Variants in LTBP1 observed in about 807,000 individuals in gnomAD.
LTBP1 encodes the protein latent transforming growth factor beta binding protein 1.
LTBP1 carries 129 observed loss-of-function variants against 207.6 expected under a neutral mutation model. The observed-to-expected ratio is 0.62, with a 90% CI of 0.54 to 0.72. LTBP1 has a LOEUF of 0.72. LTBP1 is among the 30% of genes least tolerant of loss of function. LTBP1 has a pLI of 0.00. For synonymous variants in LTBP1, 963 were observed against 833.7 expected, an observed-to-expected ratio of 1.16 and a Z score of -2.67; for missense variants, 2,281 against 2,217.2, an observed-to-expected ratio of 1.03 and a Z score of -0.58.
chr2:33,318,944 T>G (rs1269856340), intron 24 of LTBP1, among the ~76,000 whole-genome samples: 8 of 152,008 alleles, frequency 5.3e-5, no homozygotes, highest in African/African-American at 1.9e-4. Flanking sequence ...AGAAAAATTT[T>G]TTTTAATTAG....
intron 18 of LTBP1, among the ~76,000 whole-genome samples, chr2:33,277,316 C>G (rs570083367): frequency 1.3e-5 from 2 of 152,062 alleles, no homozygotes; most frequent in Non-Finnish European, 2.9e-5. Flanking sequence ...CCGAGGGCCA[C>G]GAGGCTACAG....
chr2:33,182,781 T>C (rs1285904172), intron 5 of LTBP1, among the ~76,000 whole-genome samples: 2 of 148,112 alleles, frequency 1.4e-5, no homozygotes, highest in African/African-American at 5.0e-5. Context: ...CACATTGTAT[T>C]CTAGTATAGA....
intron 7 of LTBP1, among the ~76,000 whole-genome samples, chr2:33,194,952 T>TA (rs2088376929): frequency 1.3e-5 from 2 of 152,226 alleles, no homozygotes; most frequent in Non-Finnish European, 2.9e-5. Context: ...AAATGTACTC[T>TA]GCCTGTGCTA....
At chr2:33,294,324 G>A (rs1344944569) in intron 20 of LTBP1, among the ~76,000 whole-genome samples, 1 of 151,856 alleles carries the variant, frequency 6.6e-6, no homozygotes, top group Non-Finnish European at 1.5e-5. Flanking sequence ...AGCCTCCTGA[G>A]TAGCTGGGAT....
At chr2:33,397,380 TTTGAGAAG>T (rs1259318247) in intron 33 of LTBP1, 98 bp downstream of exon 33, 1 of 1,433,004 alleles carries the variant, frequency 7.0e-7, no homozygotes, top group Admixed American at 1.8e-5. Context: ...TGAGTTTCAG[TTTGAGAAG>T]ATGAGAAAAG....
intron 22 of LTBP1, among the ~76,000 whole-genome samples, chr2:33,306,607 A>G (rs951924208): frequency 6.6e-6 from 1 of 152,010 alleles, no homozygotes; most frequent in South Asian, 2.1e-4. Flanking sequence ...ACAGAGCAAC[A>G]TGCTTCCATT....
At chr2:33,176,438 G>A (rs2086066325) in intron 5 of LTBP1, among the ~76,000 whole-genome samples, 2 of 152,108 alleles carry the variant, frequency 1.3e-5, no homozygotes, top group African/African-American at 4.8e-5. Flanking sequence ...TGTTGGCCAG[G>A]ATGGTCTCGA....
intron 5 of LTBP1, among the ~76,000 whole-genome samples, chr2:33,160,078 C>T (rs185292416): frequency 3.3e-5 from 5 of 152,210 alleles, no homozygotes; most frequent in Admixed American, 6.5e-5. Context: ...GGGGTTTCAC[C>T]GAGTTGGCCA....
intron 5 of LTBP1, among the ~76,000 whole-genome samples, chr2:33,136,101 C>T (rs371963942): frequency 6.6e-6 from 1 of 152,072 alleles, no homozygotes; most frequent in Non-Finnish European, 1.5e-5. Flanking sequence ...CTTAGGAGGT[C>T]AAAGCATATT....
At chr2:32,973,043 T>C (rs112631252) in intron 2 of LTBP1, among the ~76,000 whole-genome samples, 2,179 of 152,266 alleles carry the variant, frequency 0.014, 18 homozygotes, top group Non-Finnish European at 0.022. Flanking sequence ...TTGTTGAGAA[T>C]TGTTTTATGG....
At chr2:33,145,433 T>C (rs1266210507) in intron 5 of LTBP1, among the ~76,000 whole-genome samples, 5 of 152,148 alleles carry the variant, frequency 3.3e-5, no homozygotes, top group Non-Finnish European at 5.9e-5. Context: ...CTAGAAGAGG[T>C]AAAAGGAAAA....
chr2:33,334,283 C>G (rs2094530072), intron 24 of LTBP1, among the ~76,000 whole-genome samples: 1 of 152,220 alleles, frequency 6.6e-6, no homozygotes, highest in South Asian at 2.1e-4. Flanking sequence ...GCCACATGGA[C>G]AAGCGCAGAC....
intron 24 of LTBP1, chr2:33,332,902 A>G (rs2094513394): frequency 6.6e-6 from 1 of 152,202 alleles, no homozygotes. Flanking sequence ...GGTGTAGTCT[A>G]CAGCAATCCC....
intron 2 of LTBP1, among the ~76,000 whole-genome samples, chr2:33,010,172 G>C (rs1687475919): frequency 6.6e-6 from 1 of 152,220 alleles, no homozygotes; most frequent in Non-Finnish European, 1.5e-5. Context: ...CAGGAATGGA[G>C]AGGACCAAGA....
intron 7 of LTBP1, among the ~76,000 whole-genome samples, chr2:33,194,004 G>T (rs2088240898): frequency 6.8e-6 from 1 of 147,600 alleles, no homozygotes; most frequent in Non-Finnish European, 1.5e-5. Flanking sequence ...ATTTATTTTT[G>T]AGACAGAGTT....
rs184533819 is a variant in LTBP1 at position 33,149,347 on chromosome 2, T to C, written c.1201+14387T>C. On this transcript the variant is annotated intron_variant, in intron 5 of 33. Transcript: ENST00000404816. Reference sequence around the variant, plus strand: ...GCCTGCTCCTTAGAGCAGCCTTCTTTCCATTGCCATTCTTTCCTATCAGAC... The same window carrying C: ...GCCTGCTCCTTAGAGCAGCCTTCTTCCCATTGCCATTCTTTCCTATCAGAC... 2.5e-3 allele frequency among the ~76,000 whole-genome samples: 383 copies of C among 152,128 alleles called. 2 individuals are homozygous for C. Among genetic ancestry groups the C allele is most frequent in the African/African-American group, 8.6e-3 (356 of 41,520 alleles).
intron 24 of LTBP1, among the ~76,000 whole-genome samples, chr2:33,337,728 T>C (rs981308805): frequency 3.3e-5 from 5 of 152,230 alleles, no homozygotes; most frequent in Non-Finnish European, 5.9e-5. Flanking sequence ...GCAAAATTGC[T>C]TGGTAGTTTT....
At chr2:33,225,143 A>G (rs964183299) in intron 9 of LTBP1, among the ~76,000 whole-genome samples, 2 of 152,174 alleles carry the variant, frequency 1.3e-5, no homozygotes, top group South Asian at 2.1e-4. Context: ...TTATCAGCAT[A>G]TAATAATTGT....
At chr2:33,117,542 A>G (rs1229889249) in intron 4 of LTBP1, among the ~76,000 whole-genome samples, 2 of 152,232 alleles carry the variant, frequency 1.3e-5, no homozygotes, top group Non-Finnish European at 2.9e-5. Flanking sequence ...TACAAGAGAC[A>G]TTCAAGATTT....
Sources: allele counts gnomAD v4.1 joint callset (sites outside exome capture counted in the v4.1 genomes callset), GRCh38; gene constraint gnomAD v4.1.1; transcripts MANE v1.5; gene names NCBI Gene and HGNC (gene_info 2026-07-23, HGNC 2026-07-21).